TMIGD3: variants seen among roughly 807,000 people sequenced by gnomAD.
TMIGD3 encodes the protein transmembrane and immunoglobulin domain containing 3.
TMIGD3 carries 21 observed loss-of-function variants against 28.1 expected under a neutral mutation model. The observed-to-expected ratio is 0.75, with a 90% confidence interval of 0.53 to 1.08. TMIGD3 has a LOEUF of 1.08. Ranked by LOEUF, TMIGD3 falls within the 50% of genes least tolerant of loss-of-function variation. TMIGD3 has a pLI of 0.00. For missense variants in TMIGD3, 416 were observed against 435.6 expected (o/e 0.96, Z 0.40); for synonymous variants, 151 against 162.1 (o/e 0.93, Z 0.52).
At chr1:111,507,572 A>G (rs114129757), upstream of TMIGD3, among the ~76,000 whole-genome samples, 3,728 of 152,260 alleles carry the variant, frequency 0.024, 70 homozygotes, top group Middle Eastern at 0.037. Flanking sequence ...CCAGCCTACA[A>G]AAACAGCAAG....
At chr1:111,536,458 ACT>A (rs1245844963) in intron 1 of TMIGD3, among the ~76,000 whole-genome samples, 2 of 152,094 alleles carry the variant, frequency 1.3e-5, no homozygotes, top group Admixed American at 1.3e-4. Flanking sequence ...TCCCTTACTT[ACT>A]TGCACTATTA....
chr1:111,554,001 C>T (rs968114864), intron 1 of TMIGD3, among the ~76,000 whole-genome samples: 1 of 152,238 alleles, frequency 6.6e-6, no homozygotes, highest in African/African-American at 2.4e-5. Context: ...GGAGTGCAGG[C>T]ACAAAGCAGA....
chr1:111,526,367 G>A (rs1656261384), intron 1 of TMIGD3, among the ~76,000 whole-genome samples: 1 of 152,138 alleles, frequency 6.6e-6, no homozygotes, highest in South Asian at 2.1e-4. Context: ...GAGAGCTAAT[G>A]GTTTTGTAAG....
At chr1:111,511,744 A>C (rs10857888) in intron 1 of TMIGD3, among the ~76,000 whole-genome samples, 112,413 of 151,780 alleles carry the variant, frequency 0.74, 42,548 homozygotes, top group East Asian at 0.89. Context: ...CTATGCCACA[A>C]CTTTCGCAGT....
At chr1:111,518,634 G>A (rs924820493) in intron 1 of TMIGD3, among the ~76,000 whole-genome samples, 6 of 152,226 alleles carry the variant, frequency 3.9e-5, no homozygotes, top group African/African-American at 1.4e-4. Context: ...GCAGGCAGCA[G>A]AGATAGAATC....
chr1:111,511,581 T>C (rs965441696), intron 1 of TMIGD3, among the ~76,000 whole-genome samples: 8 of 152,188 alleles, frequency 5.3e-5, no homozygotes, highest in Non-Finnish European at 1.0e-4. Context: ...ACAGAATGTC[T>C]AATATTTACA....
intron 1 of TMIGD3, among the ~76,000 whole-genome samples, chr1:111,541,680 AAGAG>A (rs542526147): frequency 2.1e-5 from 3 of 142,876 alleles, no homozygotes; most frequent in Admixed American, 2.0e-4. Context: ...GAGAGAGAGA[AAGAG>A]AGAGAGAGAG....
chr1:111,527,539 G>T (rs1275786534), intron 1 of TMIGD3, among the ~76,000 whole-genome samples: 1 of 152,156 alleles, frequency 6.6e-6, no homozygotes, highest in Non-Finnish European at 1.5e-5. Context: ...GAACATGATT[G>T]CTTGATTGTA....
rs527741936 is a variant in TMIGD3, at chr1:111,517,891, A to G, written c.108-27129T>C. Among the ~76,000 whole-genome samples the G allele has an allele frequency of 5.3e-5, 8 of 152,360 alleles. No homozygotes were observed. In the South Asian group the frequency reaches 1.7e-3, roughly 32 times the overall value. Reference sequence around the variant, plus strand: ...TAAAACCAGTGCCCCTCTCAGCATTAGCCTCATAATGACTCCCCAGTAATA... The same window carrying G: ...TAAAACCAGTGCCCCTCTCAGCATTGGCCTCATAATGACTCCCCAGTAATA... On this transcript the variant is annotated intron_variant, in intron 1 of 5. Transcript: ENST00000369717.
intron 1 of TMIGD3, among the ~76,000 whole-genome samples, chr1:111,558,064 G>GA (rs1657575211): frequency 1.3e-5 from 2 of 152,026 alleles, no homozygotes; most frequent in African/African-American, 4.8e-5. Flanking sequence ...TAAGCAAACA[G>GA]AAAAAGCAGA....
intron 1 of TMIGD3, chr1:111,542,248 G>A (rs1656860194): frequency 1.6e-6 from 1 of 609,416 alleles, no homozygotes; most frequent in Non-Finnish European, 3.0e-6. Flanking sequence ...AACACTGGCG[G>A]CACATATTGA....
At chr1:111,499,795 TG>T in intron 1 of TMIGD3, 1 of 1,461,666 alleles carries the variant, frequency 6.8e-7, no homozygotes, top group Non-Finnish European at 9.0e-7. Flanking sequence ...AGTAGTGGAG[TG>T]GGGGAGATAT....
upstream of TMIGD3, among the ~76,000 whole-genome samples, chr1:111,507,639 C>G (rs1291720726): frequency 6.6e-6 from 1 of 152,222 alleles, no homozygotes; most frequent in East Asian, 1.9e-4. Context: ...AGCTGGTCCA[C>G]GGGCAGCTAA....
At chr1:111,514,980 C>A (rs1417452270) in intron 1 of TMIGD3, among the ~76,000 whole-genome samples, 1 of 152,220 alleles carries the variant, frequency 6.6e-6, no homozygotes, top group South Asian at 2.1e-4. Flanking sequence ...GCACTGCTAG[C>A]AAAGGGCAGA....
chr1:111,503,664 CCAAA>C, upstream of TMIGD3: 2 of 1,117,682 alleles, frequency 1.8e-6, no homozygotes, highest in South Asian at 5.7e-5. Context: ...TCTTAGTTCC[CCAAA>C]CAGATGTCCT....
At chr1:111,511,535 C>T (rs1436114595) in intron 1 of TMIGD3, among the ~76,000 whole-genome samples, 1 of 152,206 alleles carries the variant, frequency 6.6e-6, no homozygotes, top group Non-Finnish European at 1.5e-5. Context: ...GAAAACACCA[C>T]GTGACCTATT....
chr1:111,555,830 C>A (rs60452233), intron 1 of TMIGD3, among the ~76,000 whole-genome samples: 7,592 of 152,074 alleles, frequency 0.05, 391 homozygotes, highest in East Asian at 0.18. Flanking sequence ...CATAAGGGGA[C>A]AAGCTTCACA....
At chr1:111,486,173 AAGAGAAATATACAAGGGCAATAC>A (rs970447622) in intron 4 of TMIGD3, among the ~76,000 whole-genome samples, 4 of 152,184 alleles carry the variant, frequency 2.6e-5, no homozygotes, top group African/African-American at 9.7e-5. Flanking sequence ...TAGGGGAAAA[AAGAGAAATATACAAGGGCAATAC>A]AGAGACAGAA....
chr1:111,543,361 C>T (rs967125711), intron 1 of TMIGD3, among the ~76,000 whole-genome samples: 1 of 152,026 alleles, frequency 6.6e-6, no homozygotes, highest in Non-Finnish European at 1.5e-5. Flanking sequence ...CAGGGAGATT[C>T]GCTGCCAAAA....
Sources: allele counts gnomAD v4.1 joint callset (sites outside exome capture counted in the v4.1 genomes callset), GRCh38; gene constraint gnomAD v4.1.1; transcripts MANE v1.5; gene names NCBI Gene and HGNC (gene_info 2026-07-23, HGNC 2026-07-21).